Variants in DHX15 observed in about 807,000 individuals in gnomAD.
The protein encoded by DHX15 is DEAH-box helicase 15, also known as ATP-dependent RNA helicase DHX15.
DHX15 carries 11 observed loss-of-function variants against 94.4 expected under a neutral mutation model. The ratio of observed to expected loss-of-function variants is 0.12; its 90% CI spans 0.07 to 0.19. The LOEUF is 0.19. DHX15 is among the 10% of genes least tolerant of loss of function. The pLI is 1.00. For missense variants in DHX15, 304 were observed against 988.5 expected, an observed-to-expected ratio of 0.31 and a Z score of 9.29; for synonymous variants, 338 against 329.9, an observed-to-expected ratio of 1.02 and a Z score of -0.27.
At chr4:24,542,260 A>G (rs1721327471) in intron 7 of DHX15, among the ~76,000 whole-genome samples, 1 of 152,176 alleles carries the variant, frequency 6.6e-6, no homozygotes, top group Admixed American at 6.6e-5. Context: ...CACACAGCTT[A>G]TATAATCCTT....
intron 13 of DHX15, among the ~76,000 whole-genome samples, chr4:24,528,387 T>C (rs993209180): frequency 6.6e-6 from 1 of 152,182 alleles, no homozygotes; most frequent in African/African-American, 2.4e-5. Flanking sequence ...ATATAACAGG[T>C]TCTGTGTAGG....
At chr4:24,545,843 A>G (rs1388240923) in intron 6 of DHX15, among the ~76,000 whole-genome samples, 2 of 152,212 alleles carry the variant, frequency 1.3e-5, no homozygotes, top group African/African-American at 4.8e-5. Context: ...AGACTGCAAC[A>G]CTGCAGTAAG....
rs906491620 is a variant in DHX15 at position 24,537,764 on chromosome 4, T to C, written c.1787-591A>G. The C allele has an allele frequency of 6.6e-6, 1 of 152,104 alleles. No individual in the cohort carries two copies. The highest frequency in any genetic ancestry group is 1.5e-5 in the Non-Finnish European group (1 of 68,016). 9.4% of individuals were successfully genotyped at this position (152,104 alleles called of 1,614,324 possible). A position where few individuals can be genotyped will look rare whatever the true frequency, so the allele number is the denominator to read the frequency against. On this transcript the variant is annotated intron_variant, in intron 10 of 13. Transcript: ENST00000336812. This position sits in a 1 kb window ranked among gnomAD's most constrained non-coding sequence, Gnocchi z 4.7. Reference sequence around the variant, plus strand: ...CATAAAAATATCAAGAATTCTTGGGTTTGGATGATAGCAGTAGTGGTGGAA... The same window carrying C: ...CATAAAAATATCAAGAATTCTTGGGCTTGGATGATAGCAGTAGTGGTGGAA...
intron 5 of DHX15, among the ~76,000 whole-genome samples, chr4:24,550,688 C>T (rs1402570632): frequency 1.3e-5 from 2 of 152,166 alleles, no homozygotes; most frequent in Non-Finnish European, 2.9e-5. Context: ...AATGCCTTCT[C>T]CTAGAACACC....
intron 3 of DHX15, among the ~76,000 whole-genome samples, chr4:24,560,406 G>C (rs1198859805): frequency 1.3e-5 from 2 of 150,400 alleles, no homozygotes; most frequent in African/African-American, 2.4e-5. Context: ...AAAATACATG[G>C]ATTAAATTAT....
chr4:24,556,800 TTCA>T (rs768342007), intron 3 of DHX15, among the ~76,000 whole-genome samples: 2 of 152,314 alleles, frequency 1.3e-5, no homozygotes, highest in South Asian at 4.1e-4. Context: ...TTTAAGTTGC[TTCA>T]TGTCACACCA....
At chr4:24,565,320 C>A (rs1448915379) in intron 3 of DHX15, among the ~76,000 whole-genome samples, 1 of 152,202 alleles carries the variant, frequency 6.6e-6, no homozygotes, top group African/African-American at 2.4e-5. Context: ...TAGAATTCTA[C>A]TTCTAGGGTG....
intron 3 of DHX15, among the ~76,000 whole-genome samples, chr4:24,558,202 T>C (rs1045125531): frequency 6.6e-6 from 1 of 152,108 alleles, no homozygotes; most frequent in Non-Finnish European, 1.5e-5. Flanking sequence ...TATGTACAGC[T>C]AGATCGAGTT....
chr4:24,581,662 T>C (rs1282251292), intron 1 of DHX15, among the ~76,000 whole-genome samples: 1 of 152,228 alleles, frequency 6.6e-6, no homozygotes, highest in Non-Finnish European at 1.5e-5. Flanking sequence ...TATTAATACA[T>C]TAGCTTTACT....
In DHX15 at chr4:24,527,976, T is replaced by A. The variant is rs1445002356; in HGVS notation, c.2336A>T (p.Gln779Leu). The A allele has an allele frequency of 6.2e-7, 1 of 1,614,058 alleles. No individual in the cohort carries two copies. The highest frequency in any genetic ancestry group is 1.3e-5 in the African/African-American group (1 of 75,044). The part of the protein sequence containing the change: ...SNFPQCEAKR[Q>L]LDRIIAKLQS... ...AAGTTTGGCAATGATGCGGTCCAAC[T>A]GTCTCTTTGCTTCACACTGTGGGAA... Residue 779 changes from glutamine to leucine, a missense_variant, in exon 14 of 14, where the codon CAG (glutamine) becomes CTG (leucine). Physicochemically the swap from Gln to Leu is moderately radical, Grantham distance 113. Transcript: ENST00000336812.
In DHX15 at chr4:24,584,293, C is replaced by G. The variant is rs761281910; in HGVS notation, c.71+30G>C. On this transcript the variant is annotated intron_variant, in intron 1 of 13. Transcript: ENST00000336812. ...TGCCAGGACCCCAACAAAGCCCGAG[C>G]TGCCGCCTCGCGCCCCCGGCCTGGC... is the stretch of plus-strand genomic sequence containing the variant. 8.7e-6 allele frequency: 14 copies of G among 1,601,100 alleles called. No individual in the cohort carries two copies. In the East Asian group the frequency reaches 3.0e-4, roughly 34 times the overall value.
rs538095468 is a variant in DHX15 at position 24,541,722 on chromosome 4, A to G, written c.1485+151T>C. ...GAATAAGGGGGTGTACGACTATCTA[A>G]GTTAATTACACCATACATTTCACTC... is the stretch of plus-strand genomic sequence containing the variant. On this transcript the variant is annotated intron_variant, in intron 8 of 13. Transcript: ENST00000336812. The G allele has an allele frequency of 5.8e-4, 426 of 732,880 alleles. 4 individuals carry two copies. The African/African-American group carries it at 6.8e-3, about 12-fold the overall frequency. The allele number at this position is 732,880 out of a possible 1,614,324, so 45.4% of individuals were successfully genotyped here. A position where few individuals can be genotyped will look rare whatever the true frequency, so the allele number is the denominator to read the frequency against.
chr4:24,564,115 G>A (rs1345966360), intron 3 of DHX15, among the ~76,000 whole-genome samples: 1 of 148,328 alleles, frequency 6.7e-6, no homozygotes, highest in South Asian at 2.1e-4. Context: ...TATAGAACAG[G>A]AAATAAAAGA....
At chr4:24,568,129 T>C (rs1480180728) in intron 3 of DHX15, among the ~76,000 whole-genome samples, 1 of 152,228 alleles carries the variant, frequency 6.6e-6, no homozygotes, top group Non-Finnish European at 1.5e-5. Flanking sequence ...TCTCAAACTA[T>C]GGTTAAATTC....
intron 8 of DHX15, 65 bp from the exon 9 acceptor site, chr4:24,541,013 A>G: frequency 1.1e-6 from 1 of 940,308 alleles, no homozygotes; most frequent in Non-Finnish European, 1.7e-6. Flanking sequence ...GTTCCAGAAA[A>G]CAAAAATCTG....
chr4:24,540,079 GCTT>G (rs1721278209), intron 10 of DHX15, 26 bp downstream of exon 10: 1 of 1,439,190 alleles, frequency 6.9e-7, no homozygotes, highest in Admixed American at 2.5e-5. Context: ...GAAGAGCTGG[GCTT>G]TTTTTTGTTC....
chr4:24,583,131 A>G (rs1663385268), intron 1 of DHX15, among the ~76,000 whole-genome samples: 1 of 152,252 alleles, frequency 6.6e-6, no homozygotes, highest in African/African-American at 2.4e-5. Flanking sequence ...ATTCTGTATC[A>G]CAAGTACACA....
At chr4:24,531,556 A>C (rs1721084541) in intron 12 of DHX15, among the ~76,000 whole-genome samples, 1 of 152,020 alleles carries the variant, frequency 6.6e-6, no homozygotes, top group Non-Finnish European at 1.5e-5. Context: ...CTACACACAC[A>C]AAAAGGCAAA....
Position 24,568,418 on chromosome 4 carries a change from A to G in DHX15, c.701+2236T>C, listed in dbSNP as rs573885125. Among the ~76,000 whole-genome samples, 9 of 152,292 alleles carry G rather than the reference A, an allele frequency of 5.9e-5. No homozygotes were observed. In the South Asian group the frequency reaches 1.9e-3, roughly 32 times the overall value. ...AGGTTAGCTCCTAGAAGAAACCCCAATAAGCTTACCCTGTCTTAAGTAAGC... is the reference window on the plus strand; with the variant it reads ...AGGTTAGCTCCTAGAAGAAACCCCAGTAAGCTTACCCTGTCTTAAGTAAGC... On this transcript the variant is annotated intron_variant, in intron 3 of 13. Coordinates refer to ENST00000336812, the MANE Select transcript of DHX15 (RefSeq NM_001358.3).
Sources: gnomAD v4.1 joint callset for allele counts (sites outside exome capture counted in the v4.1 genomes callset) on GRCh38, gnomAD v4.1.1 for gene constraint, Gnocchi (gnomAD v3.1) non-coding constraint, MANE v1.5 for transcripts, NCBI Gene and HGNC (gene_info 2026-07-23, HGNC 2026-07-21) for gene names.